RIN2: variants seen among roughly 807,000 people sequenced by gnomAD.
RIN2 encodes RAB5 interacting protein 2.
A neutral mutation model predicts 78.0 loss-of-function variants in RIN2; 36 were observed. That is an observed-to-expected ratio of 0.46 (90% CI 0.35 to 0.61). The LOEUF (loss-of-function observed/expected upper bound fraction) is 0.61. Ranked by LOEUF, RIN2 falls within the 20% of genes least tolerant of loss-of-function variation. The pLI is 0.00. For missense variants in RIN2, 1,087 were observed against 1,159.7 expected (o/e 0.94, Z 0.91); for synonymous variants, 466 against 466.8 (o/e 1.00, Z 0.02).
intron 1 of RIN2, among the ~76,000 whole-genome samples, chr20:19,789,370 A>T (rs2034813674): frequency 2.0e-5 from 3 of 152,260 alleles, no homozygotes; most frequent in African/African-American, 7.2e-5. Flanking sequence ...AAGATTTTTT[A>T]AAATAATACT....
Position 19,996,705 on chromosome 20 carries a change from G to T in RIN2, c.2227G>T (p.Gly743Ter). The T allele has an allele frequency of 6.2e-7, 1 of 1,614,052 alleles. No homozygotes were observed. The highest frequency in any genetic ancestry group is 8.5e-7 in the Non-Finnish European group (1 of 1,179,894). Residue 743 changes from glycine (G) to a stop codon, truncating the protein, a stop_gained, in exon 12 of 13, where the codon GGA becomes TGA. Transcript: ENST00000255006. LOFTEE classifies it high-confidence loss of function. The part of the protein sequence containing the change: ...EGGYYLTSAY[G>*]ALSLIKNFQE... ...AGGCTATTACTTGACAAGCGCATAT[G>T]GAGCACTTTCTCTGATAAAGAATTT...
chr20:19,902,337 C>CCCA (rs1173003409), intron 3 of RIN2, among the ~76,000 whole-genome samples: 1 of 152,144 alleles, frequency 6.6e-6, no homozygotes, highest in African/African-American at 2.4e-5. Context: ...AGTCTCTCCT[C>CCCA]CCACCACCTT....
intron 2 of RIN2, among the ~76,000 whole-genome samples, chr20:19,886,314 G>C (rs2038187454): frequency 6.6e-6 from 1 of 152,214 alleles, no homozygotes; most frequent in Admixed American, 6.5e-5. Context: ...GTGCAGCCTG[G>C]AGCCCAGCCA....
chr20:19,844,669 C>CCTCTTCCTCTTCCTCTT (rs1568807647), intron 2 of RIN2, among the ~76,000 whole-genome samples: 2 of 76,166 alleles, frequency 2.6e-5, no homozygotes, highest in African/African-American at 6.2e-5. Context: ...TCTTCTTCTT[C>CCTCTTCCTCTTCCTCTT]CTTCTTCTTC....
intron 1 of RIN2, among the ~76,000 whole-genome samples, chr20:19,796,454 G>A (rs1213073261): frequency 6.6e-6 from 1 of 152,220 alleles, no homozygotes; most frequent in Non-Finnish European, 1.5e-5. Flanking sequence ...TTAAATAAAA[G>A]TGAAGAAAAT....
intron 3 of RIN2, among the ~76,000 whole-genome samples, chr20:19,902,848 C>G (rs926704707): frequency 6.6e-6 from 1 of 152,112 alleles, no homozygotes; most frequent in Non-Finnish European, 1.5e-5. Context: ...AATCCCAGCA[C>G]TTTGGGAGGC....
intron 3 of RIN2, among the ~76,000 whole-genome samples, chr20:19,903,137 T>A (rs920535729): frequency 2.0e-5 from 3 of 152,180 alleles, no homozygotes; most frequent in African/African-American, 7.2e-5. Context: ...TAAATTTAAC[T>A]TAGCATCCTG....
chr20:19,856,993 T>C (rs1465674492), intron 2 of RIN2, among the ~76,000 whole-genome samples: 1 of 152,156 alleles, frequency 6.6e-6, no homozygotes, highest in East Asian at 1.9e-4. Flanking sequence ...GAGATATAAT[T>C]TGTATACAGC....
chr20:19,798,451 T>C (rs1487257876), intron 1 of RIN2, among the ~76,000 whole-genome samples: 1 of 151,914 alleles, frequency 6.6e-6, no homozygotes, highest in Non-Finnish European at 1.5e-5. Context: ...AGTCCAGTTA[T>C]AGAGCCTGAC....
At chr20:19,783,358 G>A (rs981215540) in intron 1 of RIN2, among the ~76,000 whole-genome samples, 2 of 152,162 alleles carry the variant, frequency 1.3e-5, no homozygotes, top group Admixed American at 1.3e-4. Flanking sequence ...TTGAGTCTCA[G>A]CCATGCCACA....
At chr20:19,795,664 C>T (rs143495923) in intron 1 of RIN2, among the ~76,000 whole-genome samples, 105 of 152,252 alleles carry the variant, frequency 6.9e-4, no homozygotes, top group African/African-American at 2.4e-3. Context: ...CTCTATAAGA[C>T]CAAACAAACA....
At chr20:19,955,030 A>G (rs1477866277) in intron 4 of RIN2, among the ~76,000 whole-genome samples, 1 of 152,166 alleles carries the variant, frequency 6.6e-6, no homozygotes, top group Admixed American at 6.5e-5. Flanking sequence ...ACATTGTGCA[A>G]TTATCACCAC....
At chr20:19,910,498 T>TTTC in intron 3 of RIN2, among the ~76,000 whole-genome samples, 1 of 151,628 alleles carries the variant, frequency 6.6e-6, no homozygotes, top group South Asian at 2.1e-4. Flanking sequence ...TTCTTTTTCT[T>TTTC]TTCTTCTTCT....
At chr20:19,980,381 C>G (rs1361042543) in intron 9 of RIN2, among the ~76,000 whole-genome samples, 1 of 152,186 alleles carries the variant, frequency 6.6e-6, no homozygotes, top group Non-Finnish European at 1.5e-5. Context: ...TCAACCAAAA[C>G]AAGGTTGACA....
intron 5 of RIN2, among the ~76,000 whole-genome samples, chr20:19,959,052 G>C (rs1196179591): frequency 2.0e-5 from 3 of 152,132 alleles, no homozygotes; most frequent in African/African-American, 7.2e-5. Context: ...AAAGGGCAAA[G>C]TAAACTATTT....
chr20:19,767,723 G>A (rs2033947327), intron 1 of RIN2, among the ~76,000 whole-genome samples: 1 of 151,842 alleles, frequency 6.6e-6, no homozygotes, highest in Non-Finnish European at 1.5e-5. Context: ...TCAGGAGTTC[G>A]AGACCAGCCT....
chr20:19,997,855 T>C (rs1175228533), intron 12 of RIN2, among the ~76,000 whole-genome samples: 2 of 152,216 alleles, frequency 1.3e-5, no homozygotes, highest in African/African-American at 4.8e-5. Flanking sequence ...CAAATAATAT[T>C]TTGAAGGTTT....
intron 1 of RIN2, among the ~76,000 whole-genome samples, chr20:19,798,985 G>A (rs770117867): frequency 5.9e-5 from 9 of 151,388 alleles, no homozygotes; most frequent in Admixed American, 1.3e-4. Context: ...CTGCAACTTC[G>A]GCCTCCTAGG....
At chr20:19,996,301 A>G (rs2042961766) in intron 11 of RIN2, among the ~76,000 whole-genome samples, 1 of 152,178 alleles carries the variant, frequency 6.6e-6, no homozygotes, top group Admixed American at 6.5e-5. Context: ...GTGACAAAGC[A>G]AGACGCCGTC....
Sources: allele counts gnomAD v4.1 joint callset (sites outside exome capture counted in the v4.1 genomes callset), GRCh38; gene constraint gnomAD v4.1.1; transcripts MANE v1.5; gene names NCBI Gene and HGNC (gene_info 2026-07-23, HGNC 2026-07-21).